The following RNF13 variants were observed in gnomAD, a reference collection of about 807,000 sequenced individuals.
RNF13 encodes the protein E3 ubiquitin-protein ligase RNF13.
In RNF13, 19 loss-of-function variants were observed where a neutral mutation model predicts 37.7. That is an observed-to-expected ratio of 0.50 (90% CI 0.35 to 0.74). The LOEUF is 0.74. RNF13 is among the 30% of genes least tolerant of loss of function. The probability of loss-of-function intolerance (pLI) is 0.01; values close to 1 mark genes in which losing one functional copy is unlikely to be tolerated. For missense variants in RNF13, 375 were observed against 453.0 expected, an observed-to-expected ratio of 0.83 and a Z score of 1.56; for synonymous variants, 144 against 157.8, an observed-to-expected ratio of 0.91 and a Z score of 0.65.
intron 3 of RNF13, among the ~76,000 whole-genome samples, chr3:149,860,815 T>TG (rs1370135719): frequency 6.6e-6 from 1 of 151,640 alleles, no homozygotes; most frequent in African/African-American, 2.4e-5. Flanking sequence ...GTCAACAGAG[T>TG]GAAGAGACAA....
At chr3:149,853,834 CTTTTTTT>C (rs1052140782) in intron 3 of RNF13, among the ~76,000 whole-genome samples, 1 of 115,418 alleles carries the variant, frequency 8.7e-6, no homozygotes, top group Non-Finnish European at 1.8e-5. Flanking sequence ...TAAAATTTCT[CTTTTTTT>C]TTTTTTTTTT....
intron 4 of RNF13, 71 bp from the exon 5 acceptor site, chr3:149,895,402 T>TA (rs1161799529): frequency 1.1e-6 from 1 of 887,744 alleles, no homozygotes; most frequent in Non-Finnish European, 1.8e-6. Context: ...TAAGTTTTTA[T>TA]AATCAATTGT....
chr3:149,912,786 C>T (rs536503451), intron 7 of RNF13, among the ~76,000 whole-genome samples: 5 of 152,072 alleles, frequency 3.3e-5, no homozygotes, highest in South Asian at 2.1e-4. Context: ...TATCAAAATA[C>T]GGTTACAAGA....
chr3:149,856,646 T>C (rs1251471645), intron 3 of RNF13, among the ~76,000 whole-genome samples: 1 of 152,052 alleles, frequency 6.6e-6, no homozygotes, highest in African/African-American at 2.4e-5. Flanking sequence ...TCTTGCTATG[T>C]TTCCCAGGCT....
At chr3:149,853,705 A>C (rs73009635) in intron 3 of RNF13, among the ~76,000 whole-genome samples, 1 of 150,594 alleles carries the variant, frequency 6.6e-6, no homozygotes. Context: ...TTTTTCCTCT[A>C]CCTCTGGGGG....
At chr3:149,910,076 A>G (rs1716831290) in intron 6 of RNF13, among the ~76,000 whole-genome samples, 1 of 152,222 alleles carries the variant, frequency 6.6e-6, no homozygotes, top group African/African-American at 2.4e-5. Context: ...TATTTATAGC[A>G]GGTTAGTGGC....
chr3:149,916,046 T>C (rs964422016), intron 7 of RNF13, among the ~76,000 whole-genome samples: 2 of 152,176 alleles, frequency 1.3e-5, no homozygotes, highest in African/African-American at 2.4e-5. Flanking sequence ...ATCAAAATTA[T>C]AGCCTCATAA....
chr3:149,888,016 A>G (rs1714248011), intron 4 of RNF13, among the ~76,000 whole-genome samples: 1 of 152,208 alleles, frequency 6.6e-6, no homozygotes, highest in African/African-American at 2.4e-5. Context: ...GTAAATTGGA[A>G]TTCAAGAAAA....
chr3:149,835,633 T>TTGTGTGTGTGTGTGTGTG (rs3039646), intron 1 of RNF13, among the ~76,000 whole-genome samples: 66 of 138,828 alleles, frequency 4.8e-4, no homozygotes, highest in African/African-American at 1.1e-3. Flanking sequence ...TAGTATTCCA[T>TTGTGTGTGTGTGTGTGTG]TGTGTGTGTG....
At chr3:149,956,487 A>G (rs948255397) in intron 8 of RNF13, among the ~76,000 whole-genome samples, 1 of 152,214 alleles carries the variant, frequency 6.6e-6, no homozygotes, top group Non-Finnish European at 1.5e-5. Context: ...TGAAGGGCCA[A>G]TACTTTTCTG....
At chr3:149,822,226 G>C (rs1247740837) in intron 1 of RNF13, among the ~76,000 whole-genome samples, 1 of 152,138 alleles carries the variant, frequency 6.6e-6, no homozygotes, top group Non-Finnish European at 1.5e-5. Flanking sequence ...TCTGTAGATT[G>C]CTTTGGGTAG....
chr3:149,888,945 T>A (rs1274292253), intron 4 of RNF13, among the ~76,000 whole-genome samples: 2 of 152,170 alleles, frequency 1.3e-5, no homozygotes, highest in Non-Finnish European at 2.9e-5. Flanking sequence ...GTAGCCAGAT[T>A]TGTCTTTTTT....
chr3:149,886,555 G>T (rs1341497872), intron 4 of RNF13, among the ~76,000 whole-genome samples: 2 of 152,088 alleles, frequency 1.3e-5, no homozygotes, highest in Non-Finnish European at 2.9e-5. Flanking sequence ...CATACATATA[G>T]TTTTACTTCT....
chr3:149,853,794 T>C (rs187853520), intron 3 of RNF13, among the ~76,000 whole-genome samples: 73 of 151,704 alleles, frequency 4.8e-4, no homozygotes, highest in African/African-American at 1.8e-3. Context: ...ATATGTACCA[T>C]AGAATGTTTT....
Position 149,852,538 on chromosome 3 carries a change from A to G in RNF13, c.137A>G (p.Gln46Arg), listed in dbSNP as rs1723210899. The change falls in exon 3 of 10, where the codon CAG (glutamine) becomes CGG (arginine). Residue 46 changes from glutamine to arginine, a missense_variant. Coordinates refer to ENST00000392894, the MANE Select transcript of RNF13 (RefSeq NM_183381.3). ...TAGTATAACTTTGAAAATGCATCTC[A>G]GACATTTGATGACCTCCCTGCAAGA... ...ILAYNFENAS[Q>R]TFDDLPARFG... 1.3e-6 allele frequency: 2 copies of G among 1,557,064 alleles called. No homozygotes were observed. Among genetic ancestry groups the G allele is most frequent in the South Asian group, 1.2e-5 (1 of 81,044 alleles).
intron 2 of RNF13, among the ~76,000 whole-genome samples, chr3:149,850,339 C>T (rs994455797): frequency 6.6e-6 from 1 of 152,186 alleles, no homozygotes; most frequent in African/African-American, 2.4e-5. Flanking sequence ...CGCTCCCCTC[C>T]CTCCTTATAC....
intron 2 of RNF13, among the ~76,000 whole-genome samples, chr3:149,849,384 T>A (rs1474895863): frequency 6.6e-6 from 1 of 152,220 alleles, no homozygotes; most frequent in Non-Finnish European, 1.5e-5. Flanking sequence ...AGGGCCAGTG[T>A]GCTGTGTAGC....
intron 1 of RNF13, 89 bp downstream of exon 1, chr3:149,813,442 G>C (rs1328856344): frequency 6.6e-6 from 1 of 152,496 alleles, no homozygotes; most frequent in African/African-American, 2.4e-5. Flanking sequence ...CTCGAGCTCG[G>C]AGTCGGCCCT....
intron 6 of RNF13, among the ~76,000 whole-genome samples, chr3:149,911,360 A>G (rs1052665108): frequency 7.2e-5 from 11 of 152,186 alleles, no homozygotes; most frequent in African/African-American, 2.4e-4. Context: ...ACTAAATTCA[A>G]TAAACAACAT....
Sources: gnomAD v4.1 joint callset for allele counts (sites outside exome capture counted in the v4.1 genomes callset) on GRCh38, gnomAD v4.1.1 for gene constraint, MANE v1.5 for transcripts, NCBI Gene and HGNC (gene_info 2026-07-23, HGNC 2026-07-21) for gene names.